CALD1: variants seen among roughly 807,000 people sequenced by gnomAD.
CALD1 encodes the protein caldesmon 1.
Under a neutral mutation model 99.9 loss-of-function variants are expected in CALD1, and 33 were observed. The observed-to-expected ratio is 0.33, with a 90% CI of 0.25 to 0.44. The LOEUF (loss-of-function observed/expected upper bound fraction) is 0.44, where lower values mean the gene tolerates loss of function less well. Ranked by LOEUF, CALD1 falls within the 20% of genes least tolerant of loss-of-function variation. The probability of loss-of-function intolerance (pLI) is 1.00; values close to 1 mark genes in which losing one functional copy is unlikely to be tolerated. For synonymous variants in CALD1, 310 were observed against 325.0 expected (o/e 0.95, Z 0.50); for missense variants, 861 against 962.1 (o/e 0.89, Z 1.39).
At chr7:134,898,239 C>G (rs1351988695) in intron 3 of CALD1, among the ~76,000 whole-genome samples, 2 of 152,210 alleles carry the variant, frequency 1.3e-5, no homozygotes, top group Admixed American at 6.5e-5. Context: ...GATGCCTGTT[C>G]TGTGTAATTC....
At chr7:134,878,872 G>A (rs1801469546) in intron 3 of CALD1, among the ~76,000 whole-genome samples, 2 of 152,144 alleles carry the variant, frequency 1.3e-5, no homozygotes, top group Non-Finnish European at 2.9e-5. Flanking sequence ...GGAGGCTGAG[G>A]TGGGAGGATT....
chr7:134,851,115 T>A, intron 2 of CALD1, among the ~76,000 whole-genome samples: 1 of 152,168 alleles, frequency 6.6e-6, no homozygotes, highest in East Asian at 1.9e-4. Context: ...AATACAAGCA[T>A]TTTTTTCAAA....
Position 134,933,892 on chromosome 7 carries a change from G to T in CALD1, c.1123G>T (p.Ala375Ser). ...RAAEERQRAR[A>S]EEEEKAKVEE... ...AGCAGAGGAGAGGCAAAGGGCCAGG[G>T]CAGAGGAGGAAGAGAAGGCTAAGGT... Residue 375 changes from alanine to serine, a missense_variant, in exon 5 of 15, where the codon GCA becomes TCA. This residue lies in a region of CALD1 where 293 missense variants were observed against 262.7 expected (regional missense o/e 1.12). Coordinates refer to ENST00000361675, the MANE Select transcript of CALD1 (RefSeq NM_033138.4). 1 of 1,613,812 alleles carries T rather than the reference G, an allele frequency of 6.2e-7. No homozygotes were observed. The highest frequency in any genetic ancestry group is 8.5e-7 in the Non-Finnish European group (1 of 1,179,828).
the CALD1 span, among the ~76,000 whole-genome samples, chr7:134,729,130 G>A: frequency 6.6e-6 from 1 of 152,124 alleles, no homozygotes; most frequent in African/African-American, 2.4e-5. Flanking sequence ...GGGATTATAG[G>A]CATGAGCTGC....
At chr7:134,865,162 G>A (rs770473816) in intron 2 of CALD1, among the ~76,000 whole-genome samples, 5 of 151,802 alleles carry the variant, frequency 3.3e-5, no homozygotes, top group Non-Finnish European at 7.4e-5. Flanking sequence ...GACTGGGGAC[G>A]TAGAAGAGAA....
At chr7:134,832,442 G>A (rs1586058141) in intron 1 of CALD1, among the ~76,000 whole-genome samples, 2 of 152,310 alleles carry the variant, frequency 1.3e-5, no homozygotes, top group East Asian at 3.9e-4. Context: ...TCAGTAGAGT[G>A]AAATAGAAAT....
intron 3 of CALD1, among the ~76,000 whole-genome samples, chr7:134,873,961 G>A (rs1801225674): frequency 6.6e-6 from 1 of 152,090 alleles, no homozygotes; most frequent in East Asian, 1.9e-4. Context: ...AAAGGCTTGT[G>A]GATTGTTTTG....
chr7:134,856,645 C>T (rs985330527), intron 2 of CALD1, among the ~76,000 whole-genome samples: 26 of 152,160 alleles, frequency 1.7e-4, no homozygotes, highest in Admixed American at 1.6e-3. Flanking sequence ...TTTCTTTCAA[C>T]ATCCAAGAAC....
At chr7:134,847,073 G>A (rs1453683231) in intron 2 of CALD1, among the ~76,000 whole-genome samples, 1 of 152,174 alleles carries the variant, frequency 6.6e-6, no homozygotes, top group Non-Finnish European at 1.5e-5. Flanking sequence ...TGGAGAGAAA[G>A]ATCATTTTCC....
At chr7:134,826,603 A>C (rs990069458) in intron 1 of CALD1, among the ~76,000 whole-genome samples, 1 of 151,988 alleles carries the variant, frequency 6.6e-6, no homozygotes, top group Non-Finnish European at 1.5e-5. Context: ...CTGTTGCCTG[A>C]ATTCCCTAAA....
intron 3 of CALD1, among the ~76,000 whole-genome samples, chr7:134,887,611 C>T (rs540908152): frequency 4.7e-4 from 70 of 149,750 alleles, no homozygotes; most frequent in South Asian, 1.5e-3. Context: ...TGCATGCATG[C>T]GTGTATATGT....
At chr7:134,842,240 T>C (rs1054518820) in intron 1 of CALD1, among the ~76,000 whole-genome samples, 2 of 152,224 alleles carry the variant, frequency 1.3e-5, no homozygotes, top group East Asian at 1.9e-4. Context: ...TGGCTTTGAA[T>C]ACTGGCCTCA....
intron 3 of CALD1, among the ~76,000 whole-genome samples, chr7:134,892,653 GT>G (rs1802290660): frequency 6.6e-6 from 1 of 152,166 alleles, no homozygotes; most frequent in Non-Finnish European, 1.5e-5. Context: ...CGTAAGTGTG[GT>G]TGGTTATTCA....
chr7:134,748,785 C>A (rs1434884074), intron 1 of CALD1, among the ~76,000 whole-genome samples: 1 of 142,028 alleles, frequency 7.0e-6, no homozygotes, highest in Non-Finnish European at 1.5e-5. Flanking sequence ...ATTCTATGGT[C>A]TGAATGTTTG....
intron 8 of CALD1, 70 bp downstream of exon 8, chr7:134,947,839 T>C: frequency 1.3e-6 from 2 of 1,535,500 alleles, no homozygotes; most frequent in African/African-American, 2.8e-5. Flanking sequence ...GCTGTTCTTT[T>C]GAGCATGGGC....
At chr7:134,807,807 T>C (rs1375136817) in intron 1 of CALD1, among the ~76,000 whole-genome samples, 1 of 152,150 alleles carries the variant, frequency 6.6e-6, no homozygotes, top group Non-Finnish European at 1.5e-5. Flanking sequence ...TTTGTACTTT[T>C]ATTAGAGACG....
chr7:134,714,144 G>A, the CALD1 span, among the ~76,000 whole-genome samples: 7 of 152,088 alleles, frequency 4.6e-5, no homozygotes, highest in Admixed American at 1.3e-4. Context: ...AAAGTTTCCC[G>A]AGGCCTCCAA....
At chr7:134,817,008 G>C (rs1458504755) in intron 1 of CALD1, among the ~76,000 whole-genome samples, 1 of 152,202 alleles carries the variant, frequency 6.6e-6, no homozygotes, top group African/African-American at 2.4e-5. Context: ...TATTATAATA[G>C]TATTGTAGAG....
In CALD1 at chr7:134,968,426, T is replaced by C; in HGVS notation, c.*81T>C. ...GCTAATTCGCTCTGTTTTGTATTTATGTTGATTTACTAAATTGGGTTCATT... is the reference window on the plus strand; with the variant it reads ...GCTAATTCGCTCTGTTTTGTATTTACGTTGATTTACTAAATTGGGTTCATT... On this transcript the variant is annotated 3_prime_UTR_variant, in exon 15 of 15. Coordinates refer to ENST00000361675, the MANE Select transcript of CALD1 (RefSeq NM_033138.4). 2 of 1,262,684 alleles carry C rather than the reference T, an allele frequency of 1.6e-6. No homozygotes were observed. Among genetic ancestry groups the C allele is most frequent in the East Asian group, 4.6e-5 (2 of 43,278 alleles). The allele number at this position is 1,262,684 out of a possible 1,614,324, so 78.2% of individuals were successfully genotyped here.
Sources: gnomAD v4.1 joint callset for allele counts (sites outside exome capture counted in the v4.1 genomes callset) on GRCh38, gnomAD v4.1.1 for gene constraint, gnomAD v4.1.1 regional missense constraint, MANE v1.5 for transcripts, NCBI Gene and HGNC (gene_info 2026-07-23, HGNC 2026-07-21) for gene names.